OSBPL5: variants seen among roughly 807,000 people sequenced by gnomAD.
OSBPL5 encodes oxysterol-binding protein-related protein 5.
Under a neutral mutation model 111.2 loss-of-function variants are expected in OSBPL5, and 71 were observed. The ratio of observed to expected loss-of-function variants is 0.64; its 90% CI spans 0.53 to 0.78. The LOEUF is 0.78. OSBPL5 is among the 30% of genes least tolerant of loss of function. OSBPL5 has a pLI of 0.00. For synonymous variants in OSBPL5, 549 were observed against 513.9 expected, an observed-to-expected ratio of 1.07 and a Z score of -0.93; for missense variants, 1,210 against 1,189.3, an observed-to-expected ratio of 1.02 and a Z score of -0.26.
intron 14 of OSBPL5, among the ~76,000 whole-genome samples, chr11:3,096,516 G>A (rs561007067): frequency 6.6e-6 from 1 of 152,036 alleles, no homozygotes; most frequent in South Asian, 2.1e-4. Context: ...CTACTCGGGA[G>A]GCTGAGGCAG....
At position 3,140,303 on chromosome 11, in the gene OSBPL5, C is replaced by A. The variant is rs912414764; in HGVS notation, c.-21-11134G>T. On this transcript the variant is annotated intron_variant, in intron 1 of 21. Transcript: ENST00000263650. This position sits in a 1 kb window ranked among gnomAD's most constrained non-coding sequence, Gnocchi z 4.5. ...CTGTGAAGGGCCAGCATGGTGCCACCCAGGAGTGACACACACAGCCAAGCT... is the reference window on the plus strand; with the variant it reads ...CTGTGAAGGGCCAGCATGGTGCCACACAGGAGTGACACACACAGCCAAGCT... Among the ~76,000 whole-genome samples, 1 of 152,310 alleles carries A rather than the reference C, an allele frequency of 6.6e-6. No individual in the cohort carries two copies. Among genetic ancestry groups the A allele is most frequent in the South Asian group, 2.1e-4 (1 of 4,830 alleles).
chr11:3,127,118 C>T (rs1327163707), intron 2 of OSBPL5, among the ~76,000 whole-genome samples: 1 of 152,220 alleles, frequency 6.6e-6, no homozygotes, highest in African/African-American at 2.4e-5. Flanking sequence ...CCTCCCCCGG[C>T]TCTGTTTGCT....
intron 19 of OSBPL5, 62 bp from the exon 20 acceptor site, chr11:3,090,758 G>C: frequency 1.3e-6 from 2 of 1,531,908 alleles, no homozygotes; most frequent in Non-Finnish European, 8.8e-7. Context: ...AGGCCCCAGG[G>C]ACATGGTGGC....
intron 7 of OSBPL5, 137 bp from the exon 8 acceptor site, chr11:3,108,082 C>G (rs1857776668): frequency 2.5e-6 from 3 of 1,178,832 alleles, no homozygotes; most frequent in Non-Finnish European, 3.5e-6. Context: ...ACCCCTGGCC[C>G]TGCCCCAGCA....
rs1857654186 is a variant in OSBPL5, at chr11:3,105,272, CTG to C, written c.1060-897_1060-896del. ...GGGAGCGGGCAAGATGGAGTGTGGCCTGTGAGTCCTGCATCAGGATCTCATCC... is the reference window on the plus strand; with the variant it reads ...GGGAGCGGGCAAGATGGAGTGTGGCCTGAGTCCTGCATCAGGATCTCATCC... On this transcript the variant is annotated intron_variant, in intron 9 of 21. Transcript: ENST00000263650. The surrounding 1 kb of genome is among the most constrained non-coding windows in gnomAD (Gnocchi z 5.2). Among the ~76,000 whole-genome samples the C allele has an allele frequency of 6.6e-6, 1 of 152,178 alleles. No individual in the cohort carries two copies. Among genetic ancestry groups the C allele is most frequent in the African/African-American group, 2.4e-5 (1 of 41,432 alleles).
chr11:3,093,845 C>T lies in OSBPL5; in HGVS notation c.1720-10G>A. ...TACCCCCGAAGAAGGGCTGCGGGGC[C>T]ACACCCAGAACAGAGCCCAGTGAGC... On this transcript the variant is annotated splice_polypyrimidine_tract_variant and intron_variant, in intron 15 of 21. Transcript: ENST00000263650. 5 of 1,608,428 alleles carry T rather than the reference C, an allele frequency of 3.1e-6. No individual in the cohort carries two copies. The highest frequency in any genetic ancestry group is 4.2e-6 in the Non-Finnish European group (5 of 1,179,070).
chr11:3,108,194 C>T (rs1046715538), intron 7 of OSBPL5, among the ~76,000 whole-genome samples: 2 of 152,164 alleles, frequency 1.3e-5, no homozygotes, highest in African/African-American at 4.8e-5. Context: ...GAGGCAGACC[C>T]GGCCTGGGGA....
chr11:3,119,526 C>A (rs373524809), intron 7 of OSBPL5, 21 bp downstream of exon 7: 1 of 1,561,464 alleles, frequency 6.4e-7, no homozygotes, highest in Non-Finnish European at 8.6e-7. Flanking sequence ...TGGGGAGATG[C>A]GCAAGCTGGC....
At position 3,105,146 on chromosome 11, in the gene OSBPL5, G is replaced by A. The variant is rs1244680900; in HGVS notation, c.1060-769C>T. ...GACCCTGGTCCTCCCCCTCCACAGA[G>A]GGGACAAGTGACTTGTCCAAGGTCA... On this transcript the variant is annotated intron_variant, in intron 9 of 21. Coordinates refer to ENST00000263650, the MANE Select transcript of OSBPL5 (RefSeq NM_020896.4). The surrounding 1 kb of genome is among the most constrained non-coding windows in gnomAD (Gnocchi z 5.2). Among the ~76,000 whole-genome samples, 1 of 152,176 alleles carries A rather than the reference G, an allele frequency of 6.6e-6. No homozygotes were observed. Among genetic ancestry groups the A allele is most frequent in the African/African-American group, 2.4e-5 (1 of 41,446 alleles).
At position 3,126,054 on chromosome 11, in the gene OSBPL5, C is replaced by T. The variant is rs1858610842; in HGVS notation, c.219+419G>A. Among the ~76,000 whole-genome samples the T allele has an allele frequency of 1.3e-5, 2 of 152,108 alleles. No individual in the cohort carries two copies. Among genetic ancestry groups the T allele is most frequent in the Non-Finnish European group, 2.9e-5 (2 of 68,006 alleles). On this transcript the variant is annotated intron_variant, in intron 3 of 21. Transcript: ENST00000263650. This position sits in a 1 kb window ranked among gnomAD's most constrained non-coding sequence, Gnocchi z 6.5. Reference sequence around the variant, plus strand: ...TGGTGAGGATGTGAGGAACTGGAGCCCTTGTGCACTGTGGGTGGCCATGTA... The same window carrying T: ...TGGTGAGGATGTGAGGAACTGGAGCTCTTGTGCACTGTGGGTGGCCATGTA...
In OSBPL5 at chr11:3,134,640, A is replaced by G. The variant is rs143076336; in HGVS notation, c.-21-5471T>C. On this transcript the variant is annotated intron_variant, in intron 1 of 21. Transcript: ENST00000263650. ...GGAGGGAGGGAGGCACCAAAAGGGA[A>G]CACTTTGGACTTGGGTTGGGGTGGA... Among the ~76,000 whole-genome samples, 321 of 152,342 alleles carry G rather than the reference A, an allele frequency of 2.1e-3. 3 individuals are homozygous for G. Among genetic ancestry groups the G allele is most frequent in the Non-Finnish European group, 3.6e-3 (246 of 68,028 alleles).
intron 1 of OSBPL5, among the ~76,000 whole-genome samples, chr11:3,150,333 G>C (rs1210486838): frequency 2.0e-5 from 3 of 152,164 alleles, no homozygotes; most frequent in African/African-American, 7.2e-5. Context: ...TTGGTTCCCA[G>C]GTAAACATGT....
At position 3,107,872 on chromosome 11, in the gene OSBPL5, C is replaced by G; in HGVS notation, c.765G>C (p.Pro255=). The change falls in exon 8 of 22, where the codon CCG becomes CCC. Residue 255 remains proline (P), a synonymous_variant. Transcript: ENST00000263650. The surrounding 1 kb of genome is among the most constrained non-coding windows in gnomAD (Gnocchi z 6.1). Reference sequence around the variant, plus strand: ...AGGTCCCTGGCTCCCCGTCTCGGCCCGGCTTGCAGGTGCCCAGTCTCAGTA... The same window carrying G: ...AGGTCCCTGGCTCCCCGTCTCGGCCGGGCTTGCAGGTGCCCAGTCTCAGTA... ...SSLLRLGTCK[P]GRDGEPGTSP... is the part of the protein sequence containing the mutation. The G allele has an allele frequency of 6.2e-7, 1 of 1,608,188 alleles. No individual in the cohort carries two copies. The highest frequency in any genetic ancestry group is 8.5e-7 in the Non-Finnish European group (1 of 1,179,898).
At chr11:3,152,286 G>T (rs1326661135) in intron 1 of OSBPL5, among the ~76,000 whole-genome samples, 1 of 152,202 alleles carries the variant, frequency 6.6e-6, no homozygotes, top group Non-Finnish European at 1.5e-5. Flanking sequence ...AGGTGACGTT[G>T]ATTTTTTAAC....
chr11:3,146,985 G>A lies in OSBPL5; in HGVS notation c.-21-17816C>T, dbSNP rs1200604715. Among the ~76,000 whole-genome samples, 4 of 152,156 alleles carry A rather than the reference G, an allele frequency of 2.6e-5. No individual in the cohort carries two copies. Among genetic ancestry groups the A allele is most frequent in the African/African-American group, 9.7e-5 (4 of 41,432 alleles). ...CCTTGGCAGCTGTCACGACCCTCCT[G>A]AGCTAAACGCACAGCCCGCACCTTG... On this transcript the variant is annotated intron_variant, in intron 1 of 21. Transcript: ENST00000263650. The surrounding 1 kb of genome is among the most constrained non-coding windows in gnomAD (Gnocchi z 7.8).
chr11:3,111,464 C>T (rs1025307261), intron 7 of OSBPL5, among the ~76,000 whole-genome samples: 5 of 152,074 alleles, frequency 3.3e-5, no homozygotes, highest in African/African-American at 9.7e-5. Flanking sequence ...GATTAACAAC[C>T]AGCTGGTCTT....
chr11:3,102,108 C>A, intron 12 of OSBPL5, 75 bp downstream of exon 12: 1 of 1,457,508 alleles, frequency 6.9e-7, no homozygotes, highest in Non-Finnish European at 9.3e-7. Context: ...CTGCCTGCTG[C>A]CAGGGCCCCG....
Position 3,121,195 on chromosome 11 carries a change from T to C in OSBPL5, c.403-571A>G, listed in dbSNP as rs1000047174. ...GCCTCAGCCGCCCGAGTAGCTGGGA[T>C]TACAGGCGCCCGCCACCATGCCTGG... is the stretch of plus-strand genomic sequence containing the variant. On this transcript the variant is annotated intron_variant, in intron 5 of 21. Transcript: ENST00000263650. The surrounding 1 kb of genome is among the most constrained non-coding windows in gnomAD (Gnocchi z 4.3). 1.3e-5 allele frequency among the ~76,000 whole-genome samples: 2 copies of C among 151,866 alleles called. No individual in the cohort carries two copies. Among genetic ancestry groups the C allele is most frequent in the African/African-American group, 4.8e-5 (2 of 41,358 alleles).
rs1385654433 is a variant in OSBPL5, at chr11:3,092,172, G to C, written c.2259+260C>G. 6.6e-6 allele frequency among the ~76,000 whole-genome samples: 1 copy of C among 151,716 alleles called. No homozygotes were observed. Among genetic ancestry groups the C allele is most frequent in the Non-Finnish European group, 1.5e-5 (1 of 67,932 alleles). ...TAATGTGGCTGCTAACTTGGCAGAG[G>C]GAGACTTTGGGGGCAGTGGACAGAG... is the stretch of plus-strand genomic sequence containing the variant. On this transcript the variant is annotated intron_variant, in intron 19 of 21. Coordinates refer to ENST00000263650, the MANE Select transcript of OSBPL5 (RefSeq NM_020896.4). The surrounding 1 kb of genome is among the most constrained non-coding windows in gnomAD (Gnocchi z 5.4).
Sources: gnomAD v4.1 joint callset for allele counts (sites outside exome capture counted in the v4.1 genomes callset) on GRCh38, gnomAD v4.1.1 for gene constraint, Gnocchi (gnomAD v3.1) non-coding constraint, MANE v1.5 for transcripts, NCBI Gene and HGNC (gene_info 2026-07-23, HGNC 2026-07-21) for gene names.